The following RAMP3 variants were observed in gnomAD, a reference collection of about 807,000 sequenced individuals.
RAMP3 encodes the protein receptor activity-modifying protein 3.
RAMP3 carries 14 observed loss-of-function variants against 13.5 expected under a neutral mutation model. That is an observed-to-expected ratio of 1.04 (90% CI 0.69 to 1.63). RAMP3 has a LOEUF of 1.63. RAMP3 is among the 40% of genes most tolerant of loss of function. The pLI, the probability that RAMP3 is intolerant of heterozygous loss-of-function variation, is 0.00. For synonymous variants in RAMP3, 106 were observed against 88.3 expected (o/e 1.20, Z -1.12); for missense variants, 200 against 204.8 (o/e 0.98, Z 0.14).
chr7:45,178,721 G>C (rs747461167), intron 2 of RAMP3, among the ~76,000 whole-genome samples: 8 of 152,356 alleles, frequency 5.3e-5, no homozygotes, highest in Non-Finnish European at 1.2e-4. Context: ...TCAGGGAAGA[G>C]GAGGTCATAG....
In RAMP3 at chr7:45,177,507, C is replaced by T. The variant is rs955413870; in HGVS notation, c.191+66C>T. 1.8e-5 allele frequency: 29 copies of T among 1,603,104 alleles called. No homozygotes were observed. The African/African-American group carries it at 3.5e-4, about 19-fold the overall frequency. On this transcript the variant is annotated intron_variant, in intron 2 of 2. Transcript: ENST00000242249. ...GCGCTGCCCACTGCCCAACCACTGC[C>T]TGACCACAGCCTGACCGCACTCTAC...
chr7:45,172,904 C>T (rs1235009480), intron 1 of RAMP3, among the ~76,000 whole-genome samples: 2 of 152,196 alleles, frequency 1.3e-5, no homozygotes, highest in African/African-American at 4.8e-5. Flanking sequence ...TGTGAATCCA[C>T]AAGAAGGTCA....
chr7:45,157,849 G>A lies in RAMP3; in HGVS notation c.21G>A (p.Arg7=). 7.0e-7 allele frequency: 1 copy of A among 1,424,500 alleles called. No homozygotes were observed. Among genetic ancestry groups the A allele is most frequent in the Non-Finnish European group, 9.1e-7 (1 of 1,097,632 alleles). 88.2% of individuals were successfully genotyped at this position (1,424,500 alleles called of 1,614,324 possible). A position where few individuals can be genotyped will look rare whatever the true frequency, so the allele number is the denominator to read the frequency against. Residue 7 remains arginine (R), a synonymous_variant, in exon 1 of 3, where the codon CGG becomes CGA. Transcript: ENST00000242249. METGAL[R]RPQLLPLLLL... is the part of the protein sequence containing the mutation. ...CAGCCATGGAGACTGGAGCGCTGCG[G>A]CGCCCGCAACTTCTCCCGTTGCTGC...
chr7:45,181,177 G>T (rs1258249650), intron 2 of RAMP3, among the ~76,000 whole-genome samples: 1 of 152,234 alleles, frequency 6.6e-6, no homozygotes, highest in Non-Finnish European at 1.5e-5. Context: ...GAGGATAAAT[G>T]ACATGGCCCA....
chr7:45,158,036 A>G, intron 1 of RAMP3, 150 bp downstream of exon 1: 4 of 821,798 alleles, frequency 4.9e-6, no homozygotes, highest in Non-Finnish European at 5.0e-6. Flanking sequence ...CGGGATTCCC[A>G]GGCTCTGCGG....
At chr7:45,157,954 C>A in intron 1 of RAMP3, 68 bp downstream of exon 1, 1 of 1,274,368 alleles carries the variant, frequency 7.8e-7, no homozygotes, top group Non-Finnish European at 1.0e-6. Flanking sequence ...CGGGTGGACC[C>A]GCGCCTTCCC....
chr7:45,181,692 G>A lies in RAMP3; in HGVS notation c.192-1465G>A, dbSNP rs193286606. On this transcript the variant is annotated intron_variant, in intron 2 of 2. Transcript: ENST00000242249. ...GTGGACAGCAGGCTACTGAATCTGA[G>A]GCCCTGTGGGAGAAGCAGGTCAGGG... is the stretch of plus-strand genomic sequence containing the variant. 3.0e-3 allele frequency among the ~76,000 whole-genome samples: 456 copies of A among 152,326 alleles called. 5 individuals are homozygous for A. The highest frequency in any genetic ancestry group is 0.011 in the African/African-American group (440 of 41,566).
At position 45,183,601 on chromosome 7, in the gene RAMP3, G is replaced by C. The variant is rs1318110827; in HGVS notation, c.*189G>C. 1.4e-5 allele frequency: 11 copies of C among 765,670 alleles called. No homozygotes were observed. The highest frequency in any genetic ancestry group is 2.1e-5 in the Non-Finnish European group (10 of 481,422). The allele number at this position is 765,670 out of a possible 1,614,324, so 47.4% of individuals were successfully genotyped here. A position where few individuals can be genotyped will look rare whatever the true frequency, so the allele number is the denominator to read the frequency against. On this transcript the variant is annotated 3_prime_UTR_variant, in exon 3 of 3. Coordinates refer to ENST00000242249, the MANE Select transcript of RAMP3 (RefSeq NM_005856.3). ...AGCCTGCTCCCTGGCTGAGGCTCAG[G>C]CTATCCGCCCAAGCTCTTTGCTCAT...
At chr7:45,173,492 G>A (rs1398884225) in intron 1 of RAMP3, among the ~76,000 whole-genome samples, 1 of 152,228 alleles carries the variant, frequency 6.6e-6, no homozygotes, top group Non-Finnish European at 1.5e-5. Flanking sequence ...TTTTGTGGAA[G>A]GAAGGACACA....
intron 1 of RAMP3, chr7:45,163,159 G>T: frequency 6.1e-6 from 6 of 985,390 alleles, no homozygotes; most frequent in Non-Finnish European, 7.2e-6. Flanking sequence ...CAATAGGCCT[G>T]GGCTGTGGCC....
At chr7:45,170,676 T>G (rs1035021475) in intron 1 of RAMP3, among the ~76,000 whole-genome samples, 2 of 152,044 alleles carry the variant, frequency 1.3e-5, no homozygotes, top group Non-Finnish European at 1.5e-5. Context: ...GACAGAGTCT[T>G]GCTGTGTCAC....
intron 2 of RAMP3, among the ~76,000 whole-genome samples, chr7:45,182,365 G>A (rs888757346): frequency 1.3e-5 from 2 of 152,146 alleles, no homozygotes; most frequent in African/African-American, 4.8e-5. Flanking sequence ...ATGACAGGGA[G>A]GTCATCACCT....
chr7:45,158,567 AAG>A (rs71030853), intron 1 of RAMP3, among the ~76,000 whole-genome samples: 5,619 of 149,712 alleles, frequency 0.038, 122 homozygotes, highest in Non-Finnish European at 0.045. Context: ...AAGAAAAAGT[AAG>A]AGAGAGAGAG....
rs563767380 is a variant in RAMP3 at position 45,168,138 on chromosome 7, T to G, written c.59-9171T>G. The stretch of plus-strand genomic sequence containing the variant: ...TCAACAGGCCTGGCATGGTGGTTCA[T>G]GCCTGTAATCCCAGCACTTTGGGAG... On this transcript the variant is annotated intron_variant, in intron 1 of 2. Coordinates refer to ENST00000242249, the MANE Select transcript of RAMP3 (RefSeq NM_005856.3). 3.4e-3 allele frequency among the ~76,000 whole-genome samples: 512 copies of G among 152,098 alleles called. 3 individuals carry two copies. The highest frequency in any genetic ancestry group is 0.012 in the African/African-American group (493 of 41,516).
At chr7:45,181,694 C>A (rs563499002) in intron 2 of RAMP3, among the ~76,000 whole-genome samples, 13 of 152,230 alleles carry the variant, frequency 8.5e-5, no homozygotes, top group South Asian at 2.1e-4. Flanking sequence ...GAATCTGAGG[C>A]CCTGTGGGAG....
chr7:45,170,094 C>T (rs377595874), intron 1 of RAMP3, among the ~76,000 whole-genome samples: 1 of 145,548 alleles, frequency 6.9e-6, no homozygotes, highest in East Asian at 2.0e-4. Context: ...GAGTCTCTCT[C>T]TTTTCTTCCT....
At chr7:45,164,852 A>G (rs1785928122) in intron 1 of RAMP3, among the ~76,000 whole-genome samples, 1 of 152,154 alleles carries the variant, frequency 6.6e-6, no homozygotes, top group Admixed American at 6.5e-5. Context: ...CTTTTCATTT[A>G]AAGTTGGATT....
chr7:45,177,471 C>A, intron 2 of RAMP3, 30 bp downstream of exon 2: 3 of 1,613,502 alleles, frequency 1.9e-6, no homozygotes, highest in South Asian at 2.2e-5. Flanking sequence ...GTGGGATTTG[C>A]TCTGACCACA....
chr7:45,171,877 G>A (rs1440436609), intron 1 of RAMP3, among the ~76,000 whole-genome samples: 5 of 152,256 alleles, frequency 3.3e-5, no homozygotes, highest in African/African-American at 9.6e-5. Flanking sequence ...CTTACAGCCT[G>A]CCTCTTCCCC....
Sources: gnomAD v4.1 joint callset for allele counts (sites outside exome capture counted in the v4.1 genomes callset) on GRCh38, gnomAD v4.1.1 for gene constraint, MANE v1.5 for transcripts, NCBI Gene and HGNC (gene_info 2026-07-23, HGNC 2026-07-21) for gene names.